COPS4: variants seen among roughly 807,000 people sequenced by gnomAD.
The protein encoded by COPS4 is COP9 signalosome subunit 4, also known as COP9 signalosome complex subunit 4.
A neutral mutation model predicts 55.1 loss-of-function variants in COPS4; 8 were observed. That is an observed-to-expected ratio of 0.15 (90% CI 0.09 to 0.26). The LOEUF is 0.26. Ranked by LOEUF, COPS4 falls within the 10% of genes least tolerant of loss-of-function variation. The pLI, the probability that COPS4 is intolerant of heterozygous loss-of-function variation, is 1.00. For missense variants in COPS4, 248 were observed against 484.0 expected, an observed-to-expected ratio of 0.51 and a Z score of 4.58; for synonymous variants, 185 against 165.7, an observed-to-expected ratio of 1.12 and a Z score of -0.90.
Position 83,035,321 on chromosome 4 carries a change from G to T in COPS4, c.74+23G>T, listed in dbSNP as rs1302076276. On this transcript the variant is annotated intron_variant, in intron 1 of 9. Coordinates refer to ENST00000264389, the MANE Select transcript of COPS4 (RefSeq NM_016129.3). ...CAAGTGAGTATTTCCCAGGAACGCG[G>T]GAGTACAGAGGTGGGGAAAGAAAGC... 5 of 1,515,152 alleles carry T rather than the reference G, an allele frequency of 3.3e-6. No homozygotes were observed. In the South Asian group the frequency reaches 5.7e-5, roughly 17 times the overall value. The allele number at this position is 1,515,152 out of a possible 1,614,324, so 93.9% of individuals were successfully genotyped here.
At chr4:83,057,539 T>C (rs747522469) in intron 6 of COPS4, 131 bp downstream of exon 6, 1 of 631,520 alleles carries the variant, frequency 1.6e-6, no homozygotes, top group Non-Finnish European at 2.5e-6. Context: ...TTATGGTAAA[T>C]GTAGTTTAAG....
rs893482452 is a variant in COPS4, at chr4:83,045,483, T to A, written c.75-143T>A. 8.1e-6 allele frequency: 4 copies of A among 494,642 alleles called. No individual in the cohort carries two copies. The Admixed American group carries it at 1.4e-4, about 18-fold the overall frequency. The allele number at this position is 494,642 out of a possible 1,614,324, so 30.6% of individuals were successfully genotyped here. A position where few individuals can be genotyped will look rare whatever the true frequency, so the allele number is the denominator to read the frequency against. ...GATAGACTAGAAACTTAAAAAAAAATCTGTGGTATACTATAAAGAAAACCA... is the reference window on the plus strand; with the variant it reads ...GATAGACTAGAAACTTAAAAAAAAAACTGTGGTATACTATAAAGAAAACCA... On this transcript the variant is annotated intron_variant, in intron 1 of 9. Coordinates refer to ENST00000264389, the MANE Select transcript of COPS4 (RefSeq NM_016129.3).
At chr4:83,043,518 CAAAAAA>C (rs34480105) in intron 1 of COPS4, among the ~76,000 whole-genome samples, 1 of 17,682 alleles carries the variant, frequency 5.7e-5, no homozygotes, top group Non-Finnish European at 1.2e-4. Flanking sequence ...GACCCTGTCT[CAAAAAA>C]AAAAAAAAAA....
intron 4 of COPS4, among the ~76,000 whole-genome samples, chr4:83,051,059 G>T (rs1160559363): frequency 1.4e-5 from 2 of 146,900 alleles, no homozygotes; most frequent in East Asian, 4.0e-4. Context: ...CCAGGAGTTC[G>T]AGAACCACTT....
chr4:83,042,896 C>T (rs953626072), intron 1 of COPS4, among the ~76,000 whole-genome samples: 5 of 151,578 alleles, frequency 3.3e-5, no homozygotes, highest in East Asian at 3.9e-4. Flanking sequence ...TGAGCCACCA[C>T]GCCCAACCAA....
chr4:83,057,442 G>T, intron 6 of COPS4, 34 bp downstream of exon 6: 1 of 1,505,900 alleles, frequency 6.6e-7, no homozygotes, highest in Admixed American at 2.3e-5. Context: ...TAAATGAACA[G>T]TTATCTTTGC....
At chr4:83,068,254 T>G (rs1172252478) in intron 8 of COPS4, among the ~76,000 whole-genome samples, 184 bp from the exon 9 acceptor site, 1 of 152,196 alleles carries the variant, frequency 6.6e-6, no homozygotes, top group Non-Finnish European at 1.5e-5. Flanking sequence ...CTTAAAATAA[T>G]GGCTTATGTA....
At chr4:83,039,526 C>T (rs1238364252) in intron 1 of COPS4, among the ~76,000 whole-genome samples, 1 of 152,098 alleles carries the variant, frequency 6.6e-6, no homozygotes, top group African/African-American at 2.4e-5. Context: ...TATATTGTGG[C>T]CGTTTTTTGT....
At position 83,037,646 on chromosome 4, in the gene COPS4, T is replaced by G. The variant is rs150799930; in HGVS notation, c.74+2348T>G. On this transcript the variant is annotated intron_variant, in intron 1 of 9. Transcript: ENST00000264389. ...AATACCCTTGAAATATATCAGTGTGTTTTTTTTTAATGTATTTTTTCTTGT... is the reference window on the plus strand; with the variant it reads ...AATACCCTTGAAATATATCAGTGTGGTTTTTTTTAATGTATTTTTTCTTGT... 6.8e-4 allele frequency among the ~76,000 whole-genome samples: 103 copies of G among 151,318 alleles called. No homozygotes were observed. The East Asian group carries it at 0.011, about 16-fold the overall frequency.
intron 1 of COPS4, among the ~76,000 whole-genome samples, chr4:83,038,545 A>G (rs1007113007): frequency 2.6e-5 from 4 of 152,220 alleles, no homozygotes; most frequent in Non-Finnish European, 5.9e-5. Flanking sequence ...CTGTTATTAA[A>G]TTGAAATACT....
At position 83,075,804 on chromosome 4, in the gene COPS4, C is replaced by T. The variant is rs1007188727; in HGVS notation, c.*374C>T. The T allele has an allele frequency of 6.1e-6, 1 of 164,328 alleles. No individual in the cohort carries two copies. The highest frequency in any genetic ancestry group is 2.4e-5 in the African/African-American group (1 of 41,840). 10.2% of individuals were successfully genotyped at this position (164,328 alleles called of 1,614,324 possible). The stretch of plus-strand genomic sequence containing the variant: ...AGAAATGAGCCAAATAAAAGTAGTA[C>T]TTTGTTTTTAGTTAGCGAAGAGTAT... On this transcript the variant is annotated 3_prime_UTR_variant, in exon 10 of 10. Coordinates refer to ENST00000264389, the MANE Select transcript of COPS4 (RefSeq NM_016129.3).
chr4:83,073,296 A>G, intron 9 of COPS4: 2 of 698,946 alleles, frequency 2.9e-6, no homozygotes, highest in Non-Finnish European at 5.2e-6. Flanking sequence ...GTGACATGTG[A>G]CCTTTTGGCT....
chr4:83,050,011 A>ACTATATACATC, intron 4 of COPS4, 27 bp downstream of exon 4: 7 of 1,338,926 alleles, frequency 5.2e-6, no homozygotes, highest in South Asian at 1.2e-5. Context: ...ATATTGGATG[A>ACTATATACATC]CTATATATAG....
chr4:83,065,326 A>G (rs1179290587), intron 7 of COPS4, among the ~76,000 whole-genome samples: 2 of 152,202 alleles, frequency 1.3e-5, no homozygotes, highest in Non-Finnish European at 2.9e-5. Context: ...TATTGAGACA[A>G]TGTAGGATAA....
intron 8 of COPS4, among the ~76,000 whole-genome samples, chr4:83,067,704 T>C (rs1281728582): frequency 6.6e-6 from 1 of 152,152 alleles, no homozygotes; most frequent in African/African-American, 2.4e-5. Flanking sequence ...ACAATTCCTT[T>C]ACTTGTACAC....
At chr4:83,064,346 G>A (rs749276252) in intron 7 of COPS4, among the ~76,000 whole-genome samples, 1 of 151,960 alleles carries the variant, frequency 6.6e-6, no homozygotes, top group Non-Finnish European at 1.5e-5. Flanking sequence ...AAAAAAAATT[G>A]TGATAAATAT....
intron 1 of COPS4, among the ~76,000 whole-genome samples, chr4:83,043,518 CA>C (rs34480105): frequency 0.016 from 278 of 17,658 alleles, no homozygotes; most frequent in African/African-American, 0.033. Flanking sequence ...GACCCTGTCT[CA>C]AAAAAAAAAA....
chr4:83,073,706 G>C (rs1731495173), intron 9 of COPS4, among the ~76,000 whole-genome samples: 1 of 152,192 alleles, frequency 6.6e-6, no homozygotes, highest in African/African-American at 2.4e-5. Flanking sequence ...TGTAATCCCA[G>C]CACTTTGGGA....
intron 6 of COPS4, among the ~76,000 whole-genome samples, chr4:83,061,708 T>A (rs1731167781): frequency 6.6e-6 from 1 of 152,026 alleles, no homozygotes; most frequent in African/African-American, 2.4e-5. Context: ...GACTAGATTA[T>A]GTCTTTTTTT....
Sources: allele counts gnomAD v4.1 joint callset (sites outside exome capture counted in the v4.1 genomes callset), GRCh38; gene constraint gnomAD v4.1.1; transcripts MANE v1.5; gene names NCBI Gene and HGNC (gene_info 2026-07-23, HGNC 2026-07-21).